Variants in CALD1 observed in about 807,000 individuals in gnomAD.
The protein encoded by CALD1 is caldesmon.
CALD1 carries 33 observed loss-of-function variants against 99.9 expected under a neutral mutation model. The observed-to-expected ratio is 0.33, with a 90% CI of 0.25 to 0.44. CALD1 has a LOEUF of 0.44. Ranked by LOEUF, CALD1 falls within the 20% of genes least tolerant of loss-of-function variation. The pLI, the probability that CALD1 is intolerant of heterozygous loss-of-function variation, is 1.00. For synonymous variants in CALD1, 310 were observed against 325.0 expected (o/e 0.95, Z 0.50); for missense variants, 861 against 962.1 (o/e 0.89, Z 1.39).
chr7:134,894,052 G>A (rs1802391704), intron 3 of CALD1, among the ~76,000 whole-genome samples: 1 of 152,180 alleles, frequency 6.6e-6, no homozygotes, highest in African/African-American at 2.4e-5. Context: ...TGTGTCTGGT[G>A]GGCCAGGGTG....
At chr7:134,940,574 T>C (rs939336404) in intron 6 of CALD1, among the ~76,000 whole-genome samples, 1 of 152,238 alleles carries the variant, frequency 6.6e-6, no homozygotes, top group Non-Finnish European at 1.5e-5. Flanking sequence ...CATAATTTAC[T>C]CAGTTGATTA....
chr7:134,765,417 T>A (rs913424465), intron 1 of CALD1, among the ~76,000 whole-genome samples: 3 of 152,196 alleles, frequency 2.0e-5, no homozygotes, highest in Admixed American at 1.3e-4. Flanking sequence ...GAGTTTTTTT[T>A]AAAACCCTAG....
chr7:134,753,330 TA>T (rs1158403575), intron 1 of CALD1, among the ~76,000 whole-genome samples: 4 of 152,000 alleles, frequency 2.6e-5, no homozygotes, highest in African/African-American at 4.8e-5. Context: ...TCTCATCTGC[TA>T]AAAAAAATCA....
chr7:134,923,582 T>C (rs185953736), intron 3 of CALD1, among the ~76,000 whole-genome samples: 1 of 152,296 alleles, frequency 6.6e-6, no homozygotes, highest in African/African-American at 2.4e-5. Flanking sequence ...AATCCAGTGG[T>C]TGGTTAGGTA....
chr7:134,868,813 TTCAAATCCTAGCTC>T (rs57177045), intron 3 of CALD1, among the ~76,000 whole-genome samples: 37,085 of 152,046 alleles, frequency 0.24, 5,971 homozygotes, highest in East Asian at 0.68. Flanking sequence ...ATTCTGTTGG[TTCAAATCCTAGCTC>T]TGCCATTTGC....
chr7:134,834,431 A>T (rs893246903), intron 1 of CALD1, among the ~76,000 whole-genome samples: 1 of 152,218 alleles, frequency 6.6e-6, no homozygotes, highest in African/African-American at 2.4e-5. Flanking sequence ...GCTCCTGCTA[A>T]ATGGACTTAG....
chr7:134,805,481 T>C (rs73149979), intron 1 of CALD1, among the ~76,000 whole-genome samples: 39,999 of 152,058 alleles, frequency 0.26, 6,855 homozygotes, highest in East Asian at 0.66. Context: ...AGTAGTTCTC[T>C]ATGCCCCTGG....
chr7:134,935,028 T>C (rs1321936136), intron 5 of CALD1, among the ~76,000 whole-genome samples: 1 of 152,130 alleles, frequency 6.6e-6, no homozygotes, highest in East Asian at 1.9e-4. Context: ...CTCAGCTTAA[T>C]GTAGACTTGC....
chr7:134,942,681 T>C (rs902223774), intron 7 of CALD1, among the ~76,000 whole-genome samples: 9 of 152,244 alleles, frequency 5.9e-5, no homozygotes, highest in African/African-American at 7.2e-5. Flanking sequence ...GTTAGGTTCA[T>C]GAAAAGTGTT....
chr7:134,874,947 G>A (rs189949593), intron 3 of CALD1, among the ~76,000 whole-genome samples: 12 of 152,128 alleles, frequency 7.9e-5, no homozygotes, highest in Admixed American at 7.2e-4. Context: ...CCTCACACAC[G>A]CAAACCCAAC....
intron 1 of CALD1, among the ~76,000 whole-genome samples, chr7:134,756,525 C>G (rs1013818147): frequency 1.3e-5 from 2 of 151,714 alleles, no homozygotes; most frequent in African/African-American, 4.9e-5. Context: ...AAGTTTAATT[C>G]ATAGTATATA....
At chr7:134,931,656 A>G (rs777836835) in intron 4 of CALD1, among the ~76,000 whole-genome samples, 17 of 152,236 alleles carry the variant, frequency 1.1e-4, no homozygotes, top group Non-Finnish European at 2.4e-4. Flanking sequence ...CAGTTCTGGT[A>G]TCACATGACT....
intron 3 of CALD1, among the ~76,000 whole-genome samples, chr7:134,870,484 C>T (rs1455249304): frequency 6.6e-6 from 1 of 152,120 alleles, no homozygotes; most frequent in East Asian, 1.9e-4. Context: ...GTTCCTTTGA[C>T]TTTTTTGTTT....
At chr7:134,880,724 A>G (rs908040168) in intron 3 of CALD1, among the ~76,000 whole-genome samples, 1 of 152,128 alleles carries the variant, frequency 6.6e-6, no homozygotes, top group African/African-American at 2.4e-5. Flanking sequence ...GGCCTCGCGC[A>G]AAAGTTGTGA....
chr7:134,750,869 A>T (rs1307593264), intron 1 of CALD1, among the ~76,000 whole-genome samples: 1 of 152,068 alleles, frequency 6.6e-6, no homozygotes, highest in African/African-American at 2.4e-5. Context: ...ACTTCTCCAC[A>T]GTGTTTCTGT....
intron 2 of CALD1, among the ~76,000 whole-genome samples, chr7:134,861,307 C>A (rs1238934075): frequency 6.6e-6 from 1 of 152,152 alleles, no homozygotes; most frequent in Non-Finnish European, 1.5e-5. Context: ...GTTAAAGGGT[C>A]AAGGTAAGCG....
At chr7:134,959,862 G>T (rs1324706449) in intron 11 of CALD1, 112 bp from the exon 12 acceptor site, 60 of 1,062,096 alleles carry the variant, frequency 5.6e-5, no homozygotes, top group Non-Finnish European at 1.4e-6. Context: ...TTTGGTGGAG[G>T]TGTTTACACA....
At chr7:134,862,088 G>A (rs778580810) in intron 2 of CALD1, among the ~76,000 whole-genome samples, 1 of 152,188 alleles carries the variant, frequency 6.6e-6, no homozygotes, top group Non-Finnish European at 1.5e-5. Flanking sequence ...ATAATTCTAT[G>A]ATTTAAACCA....
intron 3 of CALD1, among the ~76,000 whole-genome samples, chr7:134,890,859 C>T (rs1157450223): frequency 6.6e-6 from 1 of 152,228 alleles, no homozygotes; most frequent in Non-Finnish European, 1.5e-5. Flanking sequence ...CTGAACCATC[C>T]AGCCCATCAC....
Sources: gnomAD v4.1 joint callset for allele counts (sites outside exome capture counted in the v4.1 genomes callset) on GRCh38, gnomAD v4.1.1 for gene constraint, MANE v1.5 for transcripts, NCBI Gene and HGNC (gene_info 2026-07-23, HGNC 2026-07-21) for gene names.